Variants in MACROD2 observed in about 807,000 individuals in gnomAD.
MACROD2 encodes the protein mono-ADP ribosylhydrolase 2, also known as ADP-ribose glycohydrolase MACROD2.
In MACROD2, 36 loss-of-function variants were observed where a neutral mutation model predicts 70.4. The observed-to-expected ratio is 0.51, with a 90% confidence interval of 0.39 to 0.68. The LOEUF (loss-of-function observed/expected upper bound fraction) is 0.68, where lower values mean the gene tolerates loss of function less well. MACROD2 is among the 30% of genes least tolerant of loss of function. The pLI, the probability that MACROD2 is intolerant of heterozygous loss-of-function variation, is 0.00. For missense variants in MACROD2, 496 were observed against 538.4 expected, an observed-to-expected ratio of 0.92 and a Z score of 0.78; for synonymous variants, 172 against 178.8, an observed-to-expected ratio of 0.96 and a Z score of 0.30.
At chr20:14,007,319 A>T (rs2052837254) in intron 2 of MACROD2, among the ~76,000 whole-genome samples, 2 of 152,146 alleles carry the variant, frequency 1.3e-5, no homozygotes, top group Non-Finnish European at 2.9e-5. Context: ...TCCACAGGTG[A>T]CCAAAGAGTC....
intron 6 of MACROD2, among the ~76,000 whole-genome samples, chr20:15,373,066 C>A (rs76001833): frequency 1.0e-3 from 153 of 152,146 alleles, no homozygotes; most frequent in African/African-American, 3.5e-3. Context: ...AAAAAAAATC[C>A]TTTTCTATAA....
chr20:15,490,570 T>G (rs4814385), intron 7 of MACROD2, among the ~76,000 whole-genome samples: 18,399 of 152,066 alleles, frequency 0.12, 1,402 homozygotes, highest in East Asian at 0.24. Flanking sequence ...CTTGGGAGTT[T>G]TCAATATAAA....
chr20:14,152,112 C>T (rs1454175052), intron 3 of MACROD2, among the ~76,000 whole-genome samples: 2 of 152,002 alleles, frequency 1.3e-5, no homozygotes, highest in African/African-American at 4.8e-5. Flanking sequence ...TGAGCCACCA[C>T]GCCCAGCCTG....
chr20:15,970,113 T>C (rs1459470435), intron 13 of MACROD2, among the ~76,000 whole-genome samples: 1 of 152,080 alleles, frequency 6.6e-6, no homozygotes, highest in African/African-American at 2.4e-5. Flanking sequence ...CCAAGAATTC[T>C]AAACCCAGGG....
chr20:15,950,889 C>T (rs1011009763), intron 12 of MACROD2, among the ~76,000 whole-genome samples: 1 of 152,128 alleles, frequency 6.6e-6, no homozygotes, highest in African/African-American at 2.4e-5. Context: ...TGGGGCGTTT[C>T]CCACGTTAAT....
chr20:16,050,078 T>A lies in MACROD2; in HGVS notation c.*202T>A. ...AAAAAAAGAAAAAAAAAGTTTCCTT[T>A]AATTTGGTGGAGGGACCCATGTTGA... On this transcript the variant is annotated 3_prime_UTR_variant, in exon 18 of 18. Transcript: ENST00000684519. 1 of 498,034 alleles carries A rather than the reference T, an allele frequency of 2.0e-6. No individual in the cohort carries two copies. The highest frequency in any genetic ancestry group is 3.5e-6 in the Non-Finnish European group (1 of 282,550). The allele number at this position is 498,034 out of a possible 1,614,324, so 30.9% of individuals were successfully genotyped here.
At chr20:15,683,661 C>A (rs534807945) in intron 8 of MACROD2, among the ~76,000 whole-genome samples, 8 of 152,236 alleles carry the variant, frequency 5.3e-5, no homozygotes, top group African/African-American at 1.9e-4. Context: ...TCACTGCAAC[C>A]TCCACCTCCT....
intron 3 of MACROD2, among the ~76,000 whole-genome samples, chr20:14,348,948 G>T (rs1159310533): frequency 6.6e-6 from 1 of 152,046 alleles, no homozygotes. Flanking sequence ...CATGCCTATG[G>T]TTCCAGCTAC....
chr20:15,631,901 G>A lies in MACROD2; in HGVS notation c.645+132054G>A, dbSNP rs531274202. Reference sequence around the variant, plus strand: ...GCCTGTAATCCCAGCACTTTGGGAGGCTGAGGCAGGTGGATTGCCTGAAGT... The same window carrying A: ...GCCTGTAATCCCAGCACTTTGGGAGACTGAGGCAGGTGGATTGCCTGAAGT... On this transcript the variant is annotated intron_variant, in intron 8 of 17. Transcript: ENST00000684519. Among the ~76,000 whole-genome samples the A allele has an allele frequency of 9.8e-5, 15 of 152,332 alleles. No individual in the cohort carries two copies. The South Asian group carries it at 2.9e-3, about 29-fold the overall frequency.
Position 15,026,063 on chromosome 20 carries a change from A to G in MACROD2, c.419-203877A>G, listed in dbSNP as rs1455253825. ...AATATTAGTACCTAGCTGACAAAGA[A>G]TTTATAACTCTGAAGTTACACTGTG... On this transcript the variant is annotated intron_variant, in intron 5 of 17. Coordinates refer to ENST00000684519, the MANE Select transcript of MACROD2 (RefSeq NM_001351661.2). 3.9e-5 allele frequency among the ~76,000 whole-genome samples: 6 copies of G among 152,268 alleles called. No individual in the cohort carries two copies. In the East Asian group the frequency reaches 9.7e-4, roughly 25 times the overall value.
rs142680070 is a variant in MACROD2 at position 15,754,222 on chromosome 20, A to G, written c.646-108523A>G. On this transcript the variant is annotated intron_variant, in intron 8 of 17. Transcript: ENST00000684519. ...GTTTTCTCTACATGACTCCCAACTA[A>G]AGTTTGTTTCTTTGTGTTTTTATCT... Among the ~76,000 whole-genome samples the G allele has an allele frequency of 2.8e-3, 420 of 152,292 alleles. 1 individual carries two copies. The highest frequency in any genetic ancestry group is 9.5e-3 in the African/African-American group (393 of 41,572).
chr20:14,105,070 A>G (rs1028170007), intron 3 of MACROD2, among the ~76,000 whole-genome samples: 1 of 152,138 alleles, frequency 6.6e-6, no homozygotes, highest in Admixed American at 6.6e-5. Flanking sequence ...TACTTTTTAA[A>G]ATTTTTATTT....
chr20:15,723,993 G>A (rs569278446), intron 8 of MACROD2, among the ~76,000 whole-genome samples: 40 of 152,220 alleles, frequency 2.6e-4, no homozygotes, highest in African/African-American at 8.7e-4. Flanking sequence ...GGTGTGTAAT[G>A]GTATTTCAGG....
intron 8 of MACROD2, among the ~76,000 whole-genome samples, chr20:15,577,521 C>T (rs2048465045): frequency 1.3e-5 from 2 of 152,168 alleles, no homozygotes; most frequent in South Asian, 2.1e-4. Flanking sequence ...CTGATTAACT[C>T]TTTTTGGCCA....
chr20:14,085,573 A>C (rs2054066565), intron 2 of MACROD2, 48 bp from the exon 3 acceptor site: 3 of 1,100,076 alleles, frequency 2.7e-6, no homozygotes, highest in East Asian at 2.8e-5. Context: ...ATCTCGATTA[A>C]GTTAATTAAT....
intron 8 of MACROD2, among the ~76,000 whole-genome samples, chr20:15,782,242 A>G (rs980628536): frequency 1.3e-5 from 2 of 152,186 alleles, no homozygotes; most frequent in Admixed American, 6.5e-5. Context: ...GATTACCTAC[A>G]TAAGAAATAT....
At chr20:15,253,105 C>A (rs1282864301) in intron 6 of MACROD2, among the ~76,000 whole-genome samples, 1 of 152,120 alleles carries the variant, frequency 6.6e-6, no homozygotes, top group African/African-American at 2.4e-5. Flanking sequence ...GAGTTGAAGG[C>A]CAAACCAGCT....
chr20:14,799,641 A>G (rs967362587), intron 5 of MACROD2, among the ~76,000 whole-genome samples: 29 of 152,036 alleles, frequency 1.9e-4, no homozygotes, highest in African/African-American at 6.5e-4. Flanking sequence ...TTTCCTTAGA[A>G]GTTGCTCTGA....
intron 4 of MACROD2, among the ~76,000 whole-genome samples, chr20:14,645,730 C>G (rs969311245): frequency 2.0e-5 from 3 of 151,900 alleles, no homozygotes; most frequent in Admixed American, 2.0e-4. Context: ...ATATTGGTTG[C>G]ATTTGAAGGA....
Sources: allele counts gnomAD v4.1 joint callset (sites outside exome capture counted in the v4.1 genomes callset), GRCh38; gene constraint gnomAD v4.1.1; transcripts MANE v1.5; gene names NCBI Gene and HGNC (gene_info 2026-07-23, HGNC 2026-07-21).